Variants in KLF12 observed in about 807,000 individuals in gnomAD.
KLF12 encodes Krueppel-like factor 12.
Under a neutral mutation model 37.8 loss-of-function variants are expected in KLF12, and 9 were observed. The observed-to-expected ratio is 0.24, with a 90% confidence interval of 0.14 to 0.42. The LOEUF is 0.42. Ranked by LOEUF, KLF12 falls within the 10% of genes least tolerant of loss-of-function variation. The pLI is 1.00. For synonymous variants in KLF12, 208 were observed against 202.1 expected, an observed-to-expected ratio of 1.03 and a Z score of -0.25; for missense variants, 411 against 516.0, an observed-to-expected ratio of 0.80 and a Z score of 1.97.
upstream of KLF12, among the ~76,000 whole-genome samples, chr13:74,136,196 C>CA (rs1445931306): frequency 1.3e-5 from 2 of 152,084 alleles, no homozygotes; most frequent in Non-Finnish European, 2.9e-5. Flanking sequence ...GGCGCGGGCG[C>CA]AGCGAGGGCG....
At chr13:73,927,665 C>T (rs1889459974) in intron 3 of KLF12, among the ~76,000 whole-genome samples, 4 of 151,978 alleles carry the variant, frequency 2.6e-5, no homozygotes. Flanking sequence ...CAACCTCCAC[C>T]TCCTGGAGTT....
At chr13:74,260,766 G>T in the KLF12 span, among the ~76,000 whole-genome samples, 1 of 151,986 alleles carries the variant, frequency 6.6e-6, no homozygotes, top group African/African-American at 2.4e-5. Flanking sequence ...GTGTAGGAAT[G>T]CTGGGAAGAA....
At chr13:74,103,209 A>G (rs1876462656) in intron 1 of KLF12, among the ~76,000 whole-genome samples, 2 of 152,238 alleles carry the variant, frequency 1.3e-5, no homozygotes, top group African/African-American at 4.8e-5. Context: ...TATTATTTCT[A>G]AAATTTGTAT....
At chr13:74,166,828 C>T in the KLF12 span, among the ~76,000 whole-genome samples, 2 of 152,160 alleles carry the variant, frequency 1.3e-5, no homozygotes, top group Admixed American at 1.3e-4. Flanking sequence ...AATATATGCT[C>T]AAATAATTAG....
At chr13:74,021,162 A>C (rs746563306) in intron 1 of KLF12, among the ~76,000 whole-genome samples, 1 of 152,200 alleles carries the variant, frequency 6.6e-6, no homozygotes, top group Non-Finnish European at 1.5e-5. Context: ...TTTTGAATTA[A>C]ACCAAAAAGA....
chr13:74,256,078 C>G, the KLF12 span, among the ~76,000 whole-genome samples: 1 of 151,748 alleles, frequency 6.6e-6, no homozygotes, highest in African/African-American at 2.4e-5. Flanking sequence ...TGGCGTGAAC[C>G]CAGAAGGCGG....
chr13:73,934,837 G>A (rs1240500368), intron 3 of KLF12, among the ~76,000 whole-genome samples: 1 of 151,828 alleles, frequency 6.6e-6, no homozygotes, highest in Non-Finnish European at 1.5e-5. Flanking sequence ...CCAATTGTAG[G>A]TATGATAAGC....
chr13:73,868,949 T>C (rs1481300018), intron 3 of KLF12, among the ~76,000 whole-genome samples: 2 of 152,188 alleles, frequency 1.3e-5, no homozygotes, highest in East Asian at 1.9e-4. Flanking sequence ...TTTAAAGTCA[T>C]ATTTTTTAAA....
the KLF12 span, among the ~76,000 whole-genome samples, chr13:74,254,020 A>C: frequency 1.7e-4 from 26 of 152,078 alleles, no homozygotes; most frequent in Admixed American, 1.7e-3. Flanking sequence ...CTCTCCCTCA[A>C]AGCTGGTTGT....
At chr13:74,123,780 G>A (rs959444904) in intron 1 of KLF12, among the ~76,000 whole-genome samples, 3 of 152,262 alleles carry the variant, frequency 2.0e-5, no homozygotes, top group South Asian at 2.1e-4. Flanking sequence ...TTTACTTATC[G>A]AGACTAAATG....
At chr13:74,173,351 T>G in the KLF12 span, among the ~76,000 whole-genome samples, 20 of 152,216 alleles carry the variant, frequency 1.3e-4, no homozygotes, top group African/African-American at 4.6e-4. Flanking sequence ...CTCCGAAGCT[T>G]CTTTCTTCCT....
At chr13:73,845,730 T>C in intron 4 of KLF12, 97 bp downstream of exon 4, 3 of 1,104,418 alleles carry the variant, frequency 2.7e-6, no homozygotes, top group Non-Finnish European at 4.0e-6. Context: ...AGAACTTCTT[T>C]AGATGTAGTG....
At chr13:73,960,242 C>T (rs1216119310) in intron 2 of KLF12, 1 of 170,460 alleles carries the variant, frequency 5.9e-6, no homozygotes, top group Non-Finnish European at 1.3e-5. Flanking sequence ...AATGACGAAT[C>T]ACAAAGAAGT....
chr13:73,724,343 A>C (rs1172067197), intron 6 of KLF12, among the ~76,000 whole-genome samples: 2 of 152,208 alleles, frequency 1.3e-5, no homozygotes, highest in African/African-American at 2.4e-5. Context: ...GAACAATGAG[A>C]ACACATAGAC....
the KLF12 span, among the ~76,000 whole-genome samples, chr13:74,172,785 C>T: frequency 1.1e-4 from 16 of 152,066 alleles, no homozygotes; most frequent in South Asian, 2.1e-4. Context: ...AGAGCATGGG[C>T]GACCTGAATA....
chr13:74,007,023 A>C (rs1892426059), intron 1 of KLF12, among the ~76,000 whole-genome samples: 2 of 152,122 alleles, frequency 1.3e-5, no homozygotes, highest in African/African-American at 2.4e-5. Context: ...CTGAAGAGGA[A>C]GGGGTTTCCT....
intron 6 of KLF12, among the ~76,000 whole-genome samples, chr13:73,721,783 C>T (rs1876281309): frequency 7.1e-6 from 1 of 141,008 alleles, no homozygotes; most frequent in Non-Finnish European, 1.6e-5. Context: ...GAACTCCTGG[C>T]CTCAAGTGAT....
At chr13:73,886,420 T>C (rs1887224278) in intron 3 of KLF12, among the ~76,000 whole-genome samples, 1 of 152,124 alleles carries the variant, frequency 6.6e-6, no homozygotes, top group Non-Finnish European at 1.5e-5. Flanking sequence ...GGCACACAGC[T>C]ACAGCAGCTA....
Position 73,695,437 on chromosome 13 carries a change from TG to T in KLF12, c.*52del. The T allele has an allele frequency of 1.3e-6, 2 of 1,566,994 alleles. No homozygotes were observed. Among genetic ancestry groups the T allele is most frequent in the Non-Finnish European group, 1.8e-6 (2 of 1,141,834 alleles). On this transcript the variant is annotated 3_prime_UTR_variant, in exon 8 of 8. Transcript: ENST00000377669. The stretch of plus-strand genomic sequence containing the variant: ...TGAAGGGGATTCAGCCCTGCTGAAT[TG>T]GGTGCCGCTAAGAGATCCAGCTCTT...
Sources: gnomAD v4.1 joint callset for allele counts (sites outside exome capture counted in the v4.1 genomes callset) on GRCh38, gnomAD v4.1.1 for gene constraint, MANE v1.5 for transcripts, NCBI Gene and HGNC (gene_info 2026-07-23, HGNC 2026-07-21) for gene names.